ATM: variants seen among roughly 807,000 people sequenced by gnomAD.
The protein encoded by ATM is serine-protein kinase ATM.
Under a neutral mutation model 387.0 loss-of-function variants are expected in ATM, and 308 were observed. That is an observed-to-expected ratio of 0.80 (90% CI 0.73 to 0.87). The LOEUF (loss-of-function observed/expected upper bound fraction) is 0.87, where lower values mean the gene tolerates loss of function less well. Ranked by LOEUF, ATM falls within the 40% of genes least tolerant of loss-of-function variation. The pLI, the probability that ATM is intolerant of heterozygous loss-of-function variation, is 0.00. For synonymous variants in ATM, 1,156 were observed against 1,187.3 expected, an observed-to-expected ratio of 0.97 and a Z score of 0.54; for missense variants, 3,312 against 3,560.9, an observed-to-expected ratio of 0.93 and a Z score of 1.78.
At chr11:108,320,531 T>C (rs2085128113) in intron 44 of ATM, among the ~76,000 whole-genome samples, 1 of 152,246 alleles carries the variant, frequency 6.6e-6, no homozygotes, top group African/African-American at 2.4e-5. Context: ...TAAAATTTAC[T>C]ATCATTTAAG....
chr11:108,343,159 A>G, intron 56 of ATM, 63 bp from the exon 57 acceptor site: 1 of 1,600,304 alleles, frequency 6.2e-7, no homozygotes, highest in South Asian at 1.1e-5. Flanking sequence ...TGATAGCTGA[A>G]TGATCATCAA....
chr11:108,256,875 T>C (rs1295684725), intron 14 of ATM, among the ~76,000 whole-genome samples: 1 of 152,152 alleles, frequency 6.6e-6, no homozygotes. Context: ...GCATAGTATA[T>C]CATGGTGTAT....
At chr11:108,318,389 A>T (rs1479950055) in intron 43 of ATM, among the ~76,000 whole-genome samples, 1 of 151,604 alleles carries the variant, frequency 6.6e-6, no homozygotes, top group African/African-American at 2.4e-5. Context: ...TAAAAAAAAT[A>T]ATATGCCTAC....
At chr11:108,353,655 A>G in intron 59 of ATM, 111 bp from the exon 60 acceptor site, 1 of 857,890 alleles carries the variant, frequency 1.2e-6, no homozygotes, top group Non-Finnish European at 2.0e-6. Context: ...ACTAGTGTTC[A>G]TAGAACGTAG....
In ATM at chr11:108,250,949, T is replaced by A; in HGVS notation, c.1484T>A (p.Ile495Lys). The A allele has an allele frequency of 6.2e-7, 1 of 1,614,230 alleles. No individual in the cohort carries two copies. Among genetic ancestry groups the A allele is most frequent in the Non-Finnish European group, 8.5e-7 (1 of 1,180,042 alleles). ...NKIWCITFRG[I>K]SSEQIQAENF... is the part of the protein sequence containing the mutation. The stretch of plus-strand genomic sequence containing the variant: ...ATTTGGTGTATTACCTTTCGTGGTA[T>A]AAGTTCTGAGCAAATACAAGCTGAA... Residue 495 changes from isoleucine to lysine, a missense_variant, in exon 10 of 63, where the codon ATA (isoleucine) becomes AAA (lysine). Transcript: ENST00000675843.
intron 8 of ATM, among the ~76,000 whole-genome samples, chr11:108,247,899 C>T (rs2079936346): frequency 6.6e-6 from 1 of 152,192 alleles, no homozygotes; most frequent in East Asian, 1.9e-4. Context: ...CAGCCCAGAA[C>T]TTTTTTATCA....
chr11:108,281,275 C>A lies in ATM; in HGVS notation c.3576+107C>A, dbSNP rs4987985. On this transcript the variant is annotated intron_variant, in intron 24 of 62. Coordinates refer to ENST00000675843, the MANE Select transcript of ATM (RefSeq NM_000051.4). The stretch of plus-strand genomic sequence containing the variant: ...GTGGCACTTATTTAAGACTAGGAAA[C>A]AATTTTATTTTTTAGGTTGGGAATA... 217 of 1,169,858 alleles carry A rather than the reference C, an allele frequency of 1.9e-4. 2 individuals carry two copies. In the South Asian group the frequency reaches 2.7e-3, roughly 15 times the overall value. The allele number at this position is 1,169,858 out of a possible 1,614,324, so 72.5% of individuals were successfully genotyped here. A position where few individuals can be genotyped will look rare whatever the true frequency, so the allele number is the denominator to read the frequency against.
At position 108,316,189 on chromosome 11, in the gene ATM, T is replaced by TAA. The variant is rs1017200618; in HGVS notation, c.6198+77_6198+78insAA. The TAA allele has an allele frequency of 2.0e-5, 26 of 1,309,056 alleles. 1 individual carries two copies. The African/African-American group carries it at 3.2e-4, about 16-fold the overall frequency. The allele number at this position is 1,309,056 out of a possible 1,614,324, so 81.1% of individuals were successfully genotyped here. On this transcript the variant is annotated intron_variant, in intron 42 of 62. Transcript: ENST00000675843. ...TTATTTCAGTATGTTGGTGGATATT[T>TAA]ACACAGCCAGATAAACTCTAGAGAT...
At chr11:108,352,963 C>T (rs996923011) in intron 59 of ATM, among the ~76,000 whole-genome samples, 1 of 151,790 alleles carries the variant, frequency 6.6e-6, no homozygotes, top group Admixed American at 6.6e-5. Flanking sequence ...TAGGTGCAGC[C>T]GTAAAGGGCA....
At position 108,330,505 on chromosome 11, in the gene ATM, T is replaced by G. The variant is rs573591490; in HGVS notation, c.7515+84T>G. On this transcript the variant is annotated intron_variant, in intron 50 of 62. Coordinates refer to ENST00000675843, the MANE Select transcript of ATM (RefSeq NM_000051.4). ...CTTGATGTCAGGAATCGTGTATACCTCTTTGTATTCCTAGCACTTGGTCCA... is the reference window on the plus strand; with the variant it reads ...CTTGATGTCAGGAATCGTGTATACCGCTTTGTATTCCTAGCACTTGGTCCA... The G allele has an allele frequency of 7.8e-4, 1,062 of 1,357,644 alleles. 1 individual carries two copies. The highest frequency in any genetic ancestry group is 8.7e-4 in the Non-Finnish European group (821 of 948,898). The allele number at this position is 1,357,644 out of a possible 1,614,324, so 84.1% of individuals were successfully genotyped here. A position where few individuals can be genotyped will look rare whatever the true frequency, so the allele number is the denominator to read the frequency against.
intron 54 of ATM, among the ~76,000 whole-genome samples, chr11:108,334,479 C>G (rs1352516249): frequency 1.3e-5 from 2 of 152,064 alleles, no homozygotes; most frequent in Non-Finnish European, 2.9e-5. Context: ...TTCATGTGGG[C>G]AGGGATATAT....
intron 37 of ATM, among the ~76,000 whole-genome samples, chr11:108,306,693 T>C (rs556184728): frequency 3.4e-4 from 52 of 152,306 alleles, no homozygotes; most frequent in Middle Eastern, 3.4e-3. Flanking sequence ...ATACATATTT[T>C]TGTAAAATTT....
intron 14 of ATM, 52 bp from the exon 15 acceptor site, chr11:108,257,429 A>G: frequency 6.3e-7 from 1 of 1,597,184 alleles, no homozygotes; most frequent in Non-Finnish European, 8.5e-7. Flanking sequence ...AAAAAGCAAT[A>G]CTAAACTATA....
At chr11:108,223,471 T>G (rs992706890) in intron 1 of ATM, 4 of 152,270 alleles carry the variant, frequency 2.6e-5, no homozygotes, top group African/African-American at 9.6e-5. Context: ...ACTAGTCATC[T>G]TTTGATCTCT....
intron 6 of ATM, among the ~76,000 whole-genome samples, chr11:108,244,554 G>A (rs974703622): frequency 1.4e-4 from 22 of 152,016 alleles, no homozygotes; most frequent in Admixed American, 1.4e-3. Flanking sequence ...CAATGTTTTA[G>A]CAGGAGGGAG....
chr11:108,254,191 C>G, intron 13 of ATM, 152 bp downstream of exon 13: 1 of 660,420 alleles, frequency 1.5e-6, no homozygotes, highest in Non-Finnish European at 2.6e-6. Context: ...AATTGGACAA[C>G]TTAGCATAAT....
chr11:108,297,191 A>G, intron 32 of ATM, 96 bp from the exon 33 acceptor site: 1 of 1,051,142 alleles, frequency 9.5e-7, no homozygotes, highest in Non-Finnish European at 1.4e-6. Flanking sequence ...AACTTTATAG[A>G]AGTTTTCTAG....
At chr11:108,243,812 T>G in intron 5 of ATM, 141 bp from the exon 6 acceptor site, 1 of 781,616 alleles carries the variant, frequency 1.3e-6, no homozygotes, top group Non-Finnish European at 2.0e-6. Flanking sequence ...ATGGAGTACT[T>G]TTACTATGTT....
At chr11:108,277,676 C>T (rs1011907052) in intron 22 of ATM, among the ~76,000 whole-genome samples, 2 of 152,152 alleles carry the variant, frequency 1.3e-5, no homozygotes. Context: ...AGGCTACACC[C>T]CACCCTGCTT....
Sources: gnomAD v4.1 joint callset for allele counts (sites outside exome capture counted in the v4.1 genomes callset) on GRCh38, gnomAD v4.1.1 for gene constraint, MANE v1.5 for transcripts, NCBI Gene and HGNC (gene_info 2026-07-23, HGNC 2026-07-21) for gene names.